GRM7: variants seen among roughly 807,000 people sequenced by gnomAD.
GRM7 encodes the protein metabotropic glutamate receptor 7.
A neutral mutation model predicts 84.5 loss-of-function variants in GRM7; 35 were observed. That is an observed-to-expected ratio of 0.41 (90% CI 0.32 to 0.55). The LOEUF (loss-of-function observed/expected upper bound fraction) is 0.55. Ranked by LOEUF, GRM7 falls within the 20% of genes least tolerant of loss-of-function variation. The pLI is 0.19. For synonymous variants in GRM7, 487 were observed against 455.1 expected (o/e 1.07, Z -0.89); for missense variants, 1,003 against 1,194.6 (o/e 0.84, Z 2.36).
intron 1 of GRM7, among the ~76,000 whole-genome samples, chr3:6,983,065 T>C (rs778237129): frequency 9.9e-4 from 150 of 152,228 alleles, no homozygotes; most frequent in Non-Finnish European, 2.0e-3. Context: ...TTTTGAATTG[T>C]CTATAATTAT....
Position 7,267,707 on chromosome 3 carries a change from G to A in GRM7, c.737-30977G>A, listed in dbSNP as rs59057909. ...AGTAAAATTGGGGATTTTATATAGC[G>A]GGGAAAGACGGAAAACGGGCAATAG... On this transcript the variant is annotated intron_variant, in intron 2 of 9. Coordinates refer to ENST00000357716, the MANE Select transcript of GRM7 (RefSeq NM_000844.4). 2.9e-3 allele frequency among the ~76,000 whole-genome samples: 447 copies of A among 152,188 alleles called. 2 individuals are homozygous for A. The highest frequency in any genetic ancestry group is 0.01 in the African/African-American group (427 of 41,540).
chr3:7,231,993 C>T (rs902967015), intron 2 of GRM7, among the ~76,000 whole-genome samples: 7 of 151,998 alleles, frequency 4.6e-5, no homozygotes, highest in Non-Finnish European at 7.4e-5. Flanking sequence ...TGTGCTGAAC[C>T]GAAGTACACA....
chr3:7,649,805 T>C (rs1331856703), intron 8 of GRM7, among the ~76,000 whole-genome samples: 1 of 144,408 alleles, frequency 6.9e-6, no homozygotes, highest in African/African-American at 2.6e-5. Context: ...CAAATTTATT[T>C]CTACTGCTGG....
intron 8 of GRM7, among the ~76,000 whole-genome samples, chr3:7,627,517 T>C (rs189041586): frequency 6.6e-6 from 1 of 152,334 alleles, no homozygotes; most frequent in Admixed American, 6.5e-5. Flanking sequence ...ATGACAGACA[T>C]TCGCATGGTA....
chr3:7,686,818 G>T (rs1345755661), intron 9 of GRM7, among the ~76,000 whole-genome samples: 1 of 152,142 alleles, frequency 6.6e-6, no homozygotes, highest in Non-Finnish European at 1.5e-5. Flanking sequence ...AGGCAGTGTG[G>T]AAAACCTACA....
At chr3:7,725,983 CAT>C (rs1204876769) in intron 9 of GRM7, among the ~76,000 whole-genome samples, 7 of 151,914 alleles carry the variant, frequency 4.6e-5, no homozygotes, top group Non-Finnish European at 8.8e-5. Context: ...TTTAGGAGGC[CAT>C]TTATTACATA....
intron 1 of GRM7, among the ~76,000 whole-genome samples, chr3:6,948,217 C>T (rs554151897): frequency 2.0e-5 from 3 of 152,178 alleles, no homozygotes; most frequent in South Asian, 2.1e-4. Flanking sequence ...CCTCTACACA[C>T]TGCTTTGAAT....
chr3:7,604,069 C>T (rs1157783592), intron 8 of GRM7, among the ~76,000 whole-genome samples: 1 of 149,748 alleles, frequency 6.7e-6, no homozygotes, highest in Non-Finnish European at 1.5e-5. Flanking sequence ...TCGCAAGTTA[C>T]AGAGTCATAA....
At chr3:7,468,308 A>G (rs1698545787) in intron 7 of GRM7, among the ~76,000 whole-genome samples, 1 of 152,146 alleles carries the variant, frequency 6.6e-6, no homozygotes. Flanking sequence ...TGCCCATCAT[A>G]ATTATCAGCT....
intron 7 of GRM7, among the ~76,000 whole-genome samples, chr3:7,573,530 G>T (rs571217590): frequency 6.6e-6 from 1 of 152,212 alleles, no homozygotes; most frequent in African/African-American, 2.4e-5. Flanking sequence ...TATCTCTTTG[G>T]TTTTTGTGTT....
chr3:7,457,910 G>C (rs1384367972), intron 6 of GRM7, among the ~76,000 whole-genome samples: 2 of 152,162 alleles, frequency 1.3e-5, no homozygotes, highest in African/African-American at 4.8e-5. Context: ...GAGTGGACCA[G>C]AGAGCTGCTG....
rs80118337 is a variant in GRM7, at chr3:6,992,366, C to T, written c.519+130459C>T. 5.4e-3 allele frequency among the ~76,000 whole-genome samples: 825 copies of T among 152,252 alleles called. 5 individuals are homozygous for T. Among genetic ancestry groups the T allele is most frequent in the African/African-American group, 0.019 (788 of 41,544 alleles). On this transcript the variant is annotated intron_variant, in intron 1 of 9. Coordinates refer to ENST00000357716, the MANE Select transcript of GRM7 (RefSeq NM_000844.4). ...AAGTAGAAGAGATAATATGCACATA[C>T]GTTTAACTGCAGTGTAATGCAGAAT...
chr3:7,568,474 C>T lies in GRM7; in HGVS notation c.1516-9948C>T, dbSNP rs536498181. Among the ~76,000 whole-genome samples the T allele has an allele frequency of 5.9e-5, 9 of 152,364 alleles. No homozygotes were observed. In the South Asian group the frequency reaches 6.2e-4, roughly 11 times the overall value. On this transcript the variant is annotated intron_variant, in intron 7 of 9. Coordinates refer to ENST00000357716, the MANE Select transcript of GRM7 (RefSeq NM_000844.4). ...CCCTCACTCGCTCTCGGCGCCTCCTCGGCCTTGGCGCCCACTCTGGCCACA... is the reference window on the plus strand; with the variant it reads ...CCCTCACTCGCTCTCGGCGCCTCCTTGGCCTTGGCGCCCACTCTGGCCACA...
intron 8 of GRM7, among the ~76,000 whole-genome samples, chr3:7,669,897 C>T (rs2125131311): frequency 6.8e-6 from 1 of 147,106 alleles, no homozygotes; most frequent in South Asian, 2.1e-4. Flanking sequence ...TGAATGACTA[C>T]TTGTTTACAC....
At chr3:7,229,757 A>ATTTTTTTT (rs1302605868) in intron 2 of GRM7, among the ~76,000 whole-genome samples, 6 of 26,870 alleles carry the variant, frequency 2.2e-4, no homozygotes, top group African/African-American at 7.1e-4. Context: ...ATATATATAT[A>ATTTTTTTT]TATTTTTTTT....
chr3:7,566,776 G>A (rs539902168), intron 7 of GRM7, among the ~76,000 whole-genome samples: 19 of 152,084 alleles, frequency 1.2e-4, no homozygotes, highest in Admixed American at 2.6e-4. Flanking sequence ...AAGATTTCCC[G>A]TAAGGCTGTC....
At chr3:7,326,430 T>TA (rs1422888379) in intron 4 of GRM7, among the ~76,000 whole-genome samples, 1 of 152,148 alleles carries the variant, frequency 6.6e-6, no homozygotes, top group African/African-American at 2.4e-5. Flanking sequence ...AGCTGAAAGT[T>TA]AAAAGTGTTC....
chr3:7,327,333 A>G (rs1316501296), intron 4 of GRM7, among the ~76,000 whole-genome samples: 1 of 152,164 alleles, frequency 6.6e-6, no homozygotes, highest in East Asian at 1.9e-4. Flanking sequence ...AATCTAAAAT[A>G]TTGCTGACTC....
Position 6,862,527 on chromosome 3 carries a change from A to T in GRM7, c.519+620A>T, listed in dbSNP as rs1054950527. On this transcript the variant is annotated intron_variant, in intron 1 of 9. Coordinates refer to ENST00000357716, the MANE Select transcript of GRM7 (RefSeq NM_000844.4). This position sits in a 1 kb window ranked among gnomAD's most constrained non-coding sequence, Gnocchi z 5.2. ...GGCGCGAGGTGCTGGGACCTTCCTCAGGTGGAGAGATGCTGCCCGCAGACG... is the reference window on the plus strand; with the variant it reads ...GGCGCGAGGTGCTGGGACCTTCCTCTGGTGGAGAGATGCTGCCCGCAGACG... 6.6e-6 allele frequency among the ~76,000 whole-genome samples: 1 copy of T among 152,124 alleles called. No homozygotes were observed. Among genetic ancestry groups the T allele is most frequent in the East Asian group, 1.9e-4 (1 of 5,148 alleles).
Sources: gnomAD v4.1 joint callset for allele counts (sites outside exome capture counted in the v4.1 genomes callset) on GRCh38, gnomAD v4.1.1 for gene constraint, Gnocchi (gnomAD v3.1) non-coding constraint, MANE v1.5 for transcripts, NCBI Gene and HGNC (gene_info 2026-07-23, HGNC 2026-07-21) for gene names.